PLCH1: variants seen among roughly 807,000 people sequenced by gnomAD.
PLCH1 encodes phospholipase C eta 1.
Under a neutral mutation model 126.7 loss-of-function variants are expected in PLCH1, and 60 were observed. The ratio of observed to expected loss-of-function variants is 0.47; its 90% confidence interval spans 0.38 to 0.59. PLCH1 has a LOEUF of 0.59. PLCH1 is among the 20% of genes least tolerant of loss of function. The probability of loss-of-function intolerance (pLI) is 0.00; values close to 1 mark genes in which losing one functional copy is unlikely to be tolerated. For missense variants in PLCH1, 1,723 were observed against 2,040.0 expected, an observed-to-expected ratio of 0.84 and a Z score of 2.99; for synonymous variants, 719 against 734.9, an observed-to-expected ratio of 0.98 and a Z score of 0.35.
At chr3:155,689,638 C>T (rs1259320836) in intron 2 of PLCH1, among the ~76,000 whole-genome samples, 2 of 151,550 alleles carry the variant, frequency 1.3e-5, no homozygotes, top group African/African-American at 2.4e-5. Flanking sequence ...ATACAGTTGA[C>T]GTGATGAAGA....
chr3:155,669,492 C>A (rs1743178444), intron 2 of PLCH1, among the ~76,000 whole-genome samples: 1 of 152,078 alleles, frequency 6.6e-6, no homozygotes, highest in Non-Finnish European at 1.5e-5. Flanking sequence ...GTGAGAGGTT[C>A]ATTTGAGCCC....
chr3:155,547,193 GA>G (rs1385124964), intron 10 of PLCH1, among the ~76,000 whole-genome samples: 13 of 147,020 alleles, frequency 8.8e-5, no homozygotes, highest in Admixed American at 6.1e-4. Context: ...AAATTTACAA[GA>G]AAAAAACAAA....
chr3:155,505,890 CG>C (rs1718586836), intron 12 of PLCH1, among the ~76,000 whole-genome samples: 1 of 145,286 alleles, frequency 6.9e-6, no homozygotes, highest in Non-Finnish European at 1.5e-5. Context: ...TCTCTTGGTC[CG>C]CTTTTTTTTT....
intron 1 of PLCH1, among the ~76,000 whole-genome samples, chr3:155,723,492 GTT>G (rs1748102616): frequency 1.3e-5 from 2 of 151,866 alleles, no homozygotes; most frequent in Admixed American, 6.6e-5. Context: ...GTTTGTTCCT[GTT>G]TCTCTAGCTC....
At chr3:155,682,962 T>C (rs1321140240) in intron 2 of PLCH1, among the ~76,000 whole-genome samples, 1 of 152,206 alleles carries the variant, frequency 6.6e-6, no homozygotes, top group Admixed American at 6.5e-5. Context: ...TGAATGTTTA[T>C]TCATCACTGG....
chr3:155,537,336 GA>G (rs200638025), intron 10 of PLCH1, among the ~76,000 whole-genome samples: 369 of 139,084 alleles, frequency 2.7e-3, no homozygotes, highest in East Asian at 0.017. Flanking sequence ...ATACAATGAA[GA>G]AAAAAAAAAG....
At chr3:155,517,177 T>A (rs2872949) in intron 11 of PLCH1, among the ~76,000 whole-genome samples, 2 of 151,972 alleles carry the variant, frequency 1.3e-5, no homozygotes, top group Non-Finnish European at 2.9e-5. Flanking sequence ...CATGGTGGCA[T>A]GCACCTGTAG....
chr3:155,621,526 C>T (rs945152376), intron 2 of PLCH1, among the ~76,000 whole-genome samples: 4 of 152,088 alleles, frequency 2.6e-5, no homozygotes, highest in Admixed American at 6.6e-5. Flanking sequence ...AAAGGTTAGA[C>T]GAATTGCTAA....
At chr3:155,664,475 T>C (rs970077994) in intron 2 of PLCH1, among the ~76,000 whole-genome samples, 4 of 152,236 alleles carry the variant, frequency 2.6e-5, no homozygotes, top group Non-Finnish European at 4.4e-5. Context: ...GTAAATGTTT[T>C]AGGCTGTGTG....
intron 2 of PLCH1, among the ~76,000 whole-genome samples, chr3:155,635,832 CTG>C (rs1738655164): frequency 6.6e-6 from 1 of 152,188 alleles, no homozygotes. Flanking sequence ...TTGCAAATTA[CTG>C]TTTAGATACT....
At chr3:155,686,628 C>A (rs358905) in intron 2 of PLCH1, among the ~76,000 whole-genome samples, 1 of 152,188 alleles carries the variant, frequency 6.6e-6, no homozygotes, top group South Asian at 2.1e-4. Flanking sequence ...CAGCCCATCA[C>A]TGAACCTTTC....
At chr3:155,659,302 C>CTTT (rs753258422) in intron 2 of PLCH1, among the ~76,000 whole-genome samples, 309 of 30,844 alleles carry the variant, frequency 0.01, 120 homozygotes, top group Middle Eastern at 0.026. Context: ...CTATTCACTT[C>CTTT]TTTTTTTTTT....
At chr3:155,517,556 G>A (rs998696906) in intron 11 of PLCH1, among the ~76,000 whole-genome samples, 5 of 151,984 alleles carry the variant, frequency 3.3e-5, no homozygotes, top group African/African-American at 1.2e-4. Flanking sequence ...TTCTGTCTCT[G>A]TCTTTATATG....
intron 2 of PLCH1, among the ~76,000 whole-genome samples, chr3:155,635,377 T>C (rs1241022385): frequency 6.6e-6 from 1 of 152,146 alleles, no homozygotes; most frequent in African/African-American, 2.4e-5. Flanking sequence ...ACTGAGGAAT[T>C]AAAAAAGACT....
At chr3:155,596,188 G>C (rs543030659) in intron 3 of PLCH1, 44 bp downstream of exon 3, 1 of 1,512,100 alleles carries the variant, frequency 6.6e-7, no homozygotes, top group Admixed American at 1.7e-5. Context: ...TAACCCGTGT[G>C]TTACTATGTC....
chr3:155,518,088 C>A (rs1720595192), intron 11 of PLCH1, among the ~76,000 whole-genome samples: 1 of 152,152 alleles, frequency 6.6e-6, no homozygotes, highest in East Asian at 1.9e-4. Context: ...AGGGATGATT[C>A]ACATCCCACG....
At chr3:155,578,604 A>G (rs1730276590) in intron 6 of PLCH1, among the ~76,000 whole-genome samples, 1 of 152,198 alleles carries the variant, frequency 6.6e-6, no homozygotes, top group Non-Finnish European at 1.5e-5. Context: ...AGGAAATTCT[A>G]AGAGTTTAGG....
At chr3:155,490,497 T>C (rs957037728) in intron 19 of PLCH1, among the ~76,000 whole-genome samples, 1 of 152,188 alleles carries the variant, frequency 6.6e-6, no homozygotes, top group Non-Finnish European at 1.5e-5. Context: ...ATTTCCTCAG[T>C]GAATTTTTAA....
intron 1 of PLCH1, among the ~76,000 whole-genome samples, chr3:155,741,682 CTCT>C (rs1749630453): frequency 1.2e-5 from 1 of 83,088 alleles, no homozygotes; most frequent in Admixed American, 1.1e-4. Flanking sequence ...ATTTTATATC[CTCT>C]TTTTTTTTTT....
Sources: allele counts gnomAD v4.1 joint callset (sites outside exome capture counted in the v4.1 genomes callset), GRCh38; gene constraint gnomAD v4.1.1; transcripts MANE v1.5; gene names NCBI Gene and HGNC (gene_info 2026-07-23, HGNC 2026-07-21).